LSAMP: variants seen among roughly 807,000 people sequenced by gnomAD.
The protein encoded by LSAMP is limbic system associated membrane protein, also known as limbic system-associated membrane protein.
LSAMP carries 7 observed loss-of-function variants against 38.6 expected under a neutral mutation model. The ratio of observed to expected loss-of-function variants is 0.18; its 90% CI spans 0.10 to 0.34. LSAMP has a LOEUF of 0.34. Ranked by LOEUF, LSAMP falls within the 10% of genes least tolerant of loss-of-function variation. The pLI, the probability that LSAMP is intolerant of heterozygous loss-of-function variation, is 1.00. For synonymous variants in LSAMP, 154 were observed against 166.8 expected (o/e 0.92, Z 0.59); for missense variants, 313 against 420.0 (o/e 0.75, Z 2.23).
intron 1 of LSAMP, among the ~76,000 whole-genome samples, chr3:116,116,568 C>A (rs1448507092): frequency 1.4e-5 from 2 of 147,704 alleles, no homozygotes; most frequent in African/African-American, 5.0e-5. Flanking sequence ...ATACAAAAAA[C>A]TAGCTGGGCG....
chr3:116,065,277 G>A (rs1268196507), intron 2 of LSAMP, among the ~76,000 whole-genome samples: 1 of 152,022 alleles, frequency 6.6e-6, no homozygotes, highest in Non-Finnish European at 1.5e-5. Flanking sequence ...AAGAGAAATG[G>A]GTAATTTTAA....
chr3:115,848,388 C>T (rs1447465696), intron 4 of LSAMP, among the ~76,000 whole-genome samples: 1 of 152,170 alleles, frequency 6.6e-6, no homozygotes, highest in African/African-American at 2.4e-5. Context: ...TGGGCCACCG[C>T]ACTCCAGCCT....
At chr3:116,322,875 C>T (rs533302800) in intron 1 of LSAMP, among the ~76,000 whole-genome samples, 1 of 152,148 alleles carries the variant, frequency 6.6e-6, no homozygotes, top group African/African-American at 2.4e-5. Context: ...CCTCGCCCTT[C>T]TTTGTAAATT....
At chr3:116,081,753 A>G (rs967872530) in intron 2 of LSAMP, among the ~76,000 whole-genome samples, 1 of 152,206 alleles carries the variant, frequency 6.6e-6, no homozygotes, top group African/African-American at 2.4e-5. Flanking sequence ...GATTTGAATC[A>G]CAGTGCTGAG....
intron 3 of LSAMP, among the ~76,000 whole-genome samples, chr3:115,970,227 A>G (rs1938970416): frequency 6.6e-6 from 1 of 152,172 alleles, no homozygotes; most frequent in African/African-American, 2.4e-5. Flanking sequence ...CTCTTTCCTC[A>G]CCTTGGAATA....
chr3:115,822,520 T>C lies in LSAMP; in HGVS notation c.920-12106A>G, dbSNP rs377640218. The stretch of plus-strand genomic sequence containing the variant: ...GGATTACAGGCATATACCACCATGC[T>C]TAGCTAATTTTGTATTTTTAGTAGA... On this transcript the variant is annotated intron_variant, in intron 6 of 6. Coordinates refer to ENST00000490035, the MANE Select transcript of LSAMP (RefSeq NM_002338.5). 3.3e-5 allele frequency among the ~76,000 whole-genome samples: 5 copies of C among 152,072 alleles called. No homozygotes were observed. The South Asian group carries it at 6.2e-4, about 19-fold the overall frequency.
intron 3 of LSAMP, among the ~76,000 whole-genome samples, chr3:115,974,043 G>A (rs74629391): frequency 0.012 from 1,850 of 152,202 alleles, 32 homozygotes; most frequent in Non-Finnish European, 0.017. Context: ...AATATGTTTT[G>A]TGGGTAAAAT....
chr3:116,115,594 G>A (rs543739646), intron 1 of LSAMP, among the ~76,000 whole-genome samples: 38 of 151,978 alleles, frequency 2.5e-4, no homozygotes, highest in African/African-American at 8.7e-4. Flanking sequence ...ACATCCTCCA[G>A]TGACTTCTTA....
At chr3:116,127,840 G>A (rs115627464) in intron 1 of LSAMP, among the ~76,000 whole-genome samples, 72 of 151,754 alleles carry the variant, frequency 4.7e-4, no homozygotes, top group African/African-American at 1.6e-3. Flanking sequence ...TTCATTAGGG[G>A]AGTTAATTTT....
intron 4 of LSAMP, among the ~76,000 whole-genome samples, chr3:115,851,436 C>T (rs1935328123): frequency 6.6e-6 from 1 of 152,086 alleles, no homozygotes; most frequent in Non-Finnish European, 1.5e-5. Flanking sequence ...AGTTTTACCT[C>T]CTTGGGTTGT....
At chr3:116,136,073 T>C (rs1251758196) in intron 1 of LSAMP, among the ~76,000 whole-genome samples, 1 of 152,168 alleles carries the variant, frequency 6.6e-6, no homozygotes. Context: ...TATTGATTTG[T>C]GAGGCTACAA....
chr3:116,171,454 T>C (rs149360681), intron 1 of LSAMP, among the ~76,000 whole-genome samples: 1 of 152,264 alleles, frequency 6.6e-6, no homozygotes, highest in Non-Finnish European at 1.5e-5. Flanking sequence ...CTACTGCTCC[T>C]ATTATCTTAA....
intron 3 of LSAMP, among the ~76,000 whole-genome samples, chr3:115,863,547 G>GAAAATAC (rs751302685): frequency 0.19 from 28,802 of 151,448 alleles, 3,551 homozygotes; most frequent in African/African-American, 0.33. Context: ...TTGTATATGT[G>GAAAATAC]TTATTCATAT....
At chr3:115,967,259 G>C (rs370459081) in intron 3 of LSAMP, among the ~76,000 whole-genome samples, 21 of 152,254 alleles carry the variant, frequency 1.4e-4, no homozygotes, top group African/African-American at 5.1e-4. Context: ...CAAATCTCTA[G>C]GGCAGGGGCT....
At chr3:116,203,989 A>G (rs1009005454) in intron 1 of LSAMP, among the ~76,000 whole-genome samples, 3 of 152,046 alleles carry the variant, frequency 2.0e-5, no homozygotes, top group African/African-American at 7.2e-5. Flanking sequence ...GACTTCAACA[A>G]TGGTTGAACT....
At chr3:116,330,486 T>A (rs2047835301) in intron 1 of LSAMP, among the ~76,000 whole-genome samples, 1 of 152,074 alleles carries the variant, frequency 6.6e-6, no homozygotes, top group South Asian at 2.1e-4. Context: ...CTGCCTCCAT[T>A]GTTGTAAGCC....
intron 1 of LSAMP, among the ~76,000 whole-genome samples, chr3:116,321,310 C>T (rs2047702575): frequency 6.6e-6 from 1 of 152,006 alleles, no homozygotes; most frequent in Non-Finnish European, 1.5e-5. Flanking sequence ...GAAGTTGAGG[C>T]TTCAGTAAGT....
At chr3:116,381,108 T>C (rs769465672) in intron 1 of LSAMP, among the ~76,000 whole-genome samples, 2 of 152,120 alleles carry the variant, frequency 1.3e-5, no homozygotes, top group Admixed American at 6.5e-5. Context: ...TGTTTGTTAC[T>C]CCATTTTGGT....
At chr3:115,863,230 C>A (rs888519207) in intron 3 of LSAMP, among the ~76,000 whole-genome samples, 3 of 152,156 alleles carry the variant, frequency 2.0e-5, no homozygotes, top group Non-Finnish European at 4.4e-5. Flanking sequence ...AAAAGGCCAC[C>A]TCAGAGGTTT....
Sources: gnomAD v4.1 joint callset for allele counts (sites outside exome capture counted in the v4.1 genomes callset) on GRCh38, gnomAD v4.1.1 for gene constraint, MANE v1.5 for transcripts, NCBI Gene and HGNC (gene_info 2026-07-23, HGNC 2026-07-21) for gene names.